The following MCRS1 variants were observed in gnomAD, a reference collection of about 807,000 sequenced individuals.
MCRS1 encodes microspherule protein 1, also known as 58 kDa microspherule protein.
MCRS1 carries 22 observed loss-of-function variants against 62.9 expected under a neutral mutation model. That is an observed-to-expected ratio of 0.35 (90% CI 0.25 to 0.50). The LOEUF (loss-of-function observed/expected upper bound fraction) is 0.50. Among genes scored for constraint, MCRS1 ranks in the 20% least tolerant of loss-of-function variants. The probability of loss-of-function intolerance (pLI) is 0.98; values close to 1 mark genes in which losing one functional copy is unlikely to be tolerated. For synonymous variants in MCRS1, 244 were observed against 233.5 expected, an observed-to-expected ratio of 1.04 and a Z score of -0.41; for missense variants, 456 against 601.1, an observed-to-expected ratio of 0.76 and a Z score of 2.52.
At chr12:49,564,337 C>T in intron 6 of MCRS1, 144 bp downstream of exon 6, 2 of 640,216 alleles carry the variant, frequency 3.1e-6, no homozygotes, top group Non-Finnish European at 5.4e-6. Flanking sequence ...TGAAGCCTCT[C>T]AGGCCTCAGT....
chr12:49,566,273 G>T, intron 2 of MCRS1, 58 bp from the exon 3 acceptor site: 1 of 1,583,446 alleles, frequency 6.3e-7, no homozygotes. Context: ...CTCTGCAAAT[G>T]GGACCCCTCC....
chr12:49,567,736 T>C (rs1939136290), intron 1 of MCRS1: 1 of 152,180 alleles, frequency 6.6e-6, no homozygotes, highest in Admixed American at 6.5e-5. Flanking sequence ...GTAGGAGCAT[T>C]GATGAAGTCA....
intron 8 of MCRS1, among the ~76,000 whole-genome samples, chr12:49,560,637 C>T (rs1313337448): frequency 1.3e-5 from 2 of 152,212 alleles, no homozygotes; most frequent in African/African-American, 4.8e-5. Context: ...GCTTTGATTA[C>T]ACAGCCTTGA....
At chr12:49,563,397 G>T in intron 7 of MCRS1, 41 bp downstream of exon 7, 1 of 1,568,928 alleles carries the variant, frequency 6.4e-7, no homozygotes, top group Non-Finnish European at 8.7e-7. Flanking sequence ...TCCAGCTCTC[G>T]CTGTGCCCTG....
At chr12:49,563,685 C>T (rs1243794686) in intron 6 of MCRS1, 139 bp from the exon 7 acceptor site, 4 of 635,548 alleles carry the variant, frequency 6.3e-6, no homozygotes, top group Non-Finnish European at 1.1e-5. Flanking sequence ...GGGCCTAAGG[C>T]TTAGCAGATA....
chr12:49,566,717 A>AC lies in MCRS1; in HGVS notation c.10+4dup. 1 of 1,613,364 alleles carries AC rather than the reference A, an allele frequency of 6.2e-7. No individual in the cohort carries two copies. Among genetic ancestry groups the AC allele is most frequent in the Non-Finnish European group, 8.5e-7 (1 of 1,179,664 alleles). ...ATTTGGGGAGCTGTCCCGGCCTCAT[A>AC]CTACCTTTGTCCATCCTCTTACAGT... On this transcript the variant is annotated splice_donor_region_variant and intron_variant, in intron 2 of 14. Coordinates refer to ENST00000343810, the MANE Select transcript of MCRS1 (RefSeq NM_006337.5).
At chr12:49,566,404 T>C (rs1031138975) in intron 2 of MCRS1, 189 bp from the exon 3 acceptor site, 2 of 1,576,738 alleles carry the variant, frequency 1.3e-6, no homozygotes, top group African/African-American at 1.3e-5. Context: ...GCCCAGACCT[T>C]CCACGCTGGG....
At chr12:49,567,089 G>A (rs1939102935) in intron 1 of MCRS1, among the ~76,000 whole-genome samples, 1 of 152,076 alleles carries the variant, frequency 6.6e-6, no homozygotes, top group Non-Finnish European at 1.5e-5. Flanking sequence ...TATTTTAGAG[G>A]GTTCATAGAC....
At position 49,566,636 on chromosome 12, in the gene MCRS1, C is replaced by T. The variant is rs542918114; in HGVS notation, c.10+86G>A. ...GGAGGTGGCAAGGCCTAGCCAGGAC[C>T]GAAAGACACACGTGCCAGGCACAGA... On this transcript the variant is annotated intron_variant, in intron 2 of 14. Transcript: ENST00000343810. 42 of 1,593,750 alleles carry T rather than the reference C, an allele frequency of 2.6e-5. 1 individual carries two copies. The highest frequency in any genetic ancestry group is 1.7e-4 in the Middle Eastern group (1 of 6,044).
chr12:49,564,493 G>A lies in MCRS1; in HGVS notation c.545C>T (p.Pro182Leu). 6.2e-7 allele frequency: 1 copy of A among 1,612,770 alleles called. No individual in the cohort carries two copies. The highest frequency in any genetic ancestry group is 1.1e-5 in the South Asian group (1 of 90,804). ...QERWYALLYD[P>L]VISKLACQAM... ...AGCTCCCACTCACTTGGAGATGACAGGATCGTAGAGCAGGGCGTACCAACG... is the reference window on the plus strand; with the variant it reads ...AGCTCCCACTCACTTGGAGATGACAAGATCGTAGAGCAGGGCGTACCAACG... The change falls in exon 6 of 15, where the codon CCT becomes CTT. Residue 182 changes from proline to leucine, a missense_variant. This residue lies in a region of MCRS1 where 393 missense variants were observed against 523.5 expected (regional missense o/e 0.75). Transcript: ENST00000343810.
rs781330287 is a variant in MCRS1, at chr12:49,563,118, T to A, written c.688A>T (p.Thr230Ser). The change falls in exon 8 of 15, where the codon ACC becomes TCC. Residue 230 changes from threonine (T) to serine (S), a missense_variant. Around this residue, in one of 3 missense-constraint regions of MCRS1, gnomAD observed 393 missense variants for 523.5 expected, o/e 0.75. Transcript: ENST00000343810. ...VGSTSQPTLE[T>S]FQDLLHRHPD... Reference sequence around the variant, plus strand: ...TGTCTGTGCAGCAGGTCCTGGAAGGTCTCCAAGGTGGGCTGGCTGGTCTAG... The same window carrying A: ...TGTCTGTGCAGCAGGTCCTGGAAGGACTCCAAGGTGGGCTGGCTGGTCTAG... The A allele has an allele frequency of 5.8e-6, 9 of 1,563,338 alleles. No individual in the cohort carries two copies. The South Asian group carries it at 8.2e-5, about 14-fold the overall frequency.
At chr12:49,562,101 G>A (rs145518190) in intron 8 of MCRS1, among the ~76,000 whole-genome samples, 69 of 152,300 alleles carry the variant, frequency 4.5e-4, no homozygotes, top group Admixed American at 1.1e-3. Flanking sequence ...CCTTAGGAAC[G>A]GAAGATGGGG....
chr12:49,564,924 T>C, intron 4 of MCRS1, 29 bp from the exon 5 acceptor site: 1 of 1,532,262 alleles, frequency 6.5e-7, no homozygotes, highest in Non-Finnish European at 8.8e-7. Flanking sequence ...CAAACCAAGC[T>C]CAAAGCCAGC....
intron 8 of MCRS1, among the ~76,000 whole-genome samples, chr12:49,560,783 A>G (rs1289657751): frequency 6.6e-6 from 1 of 151,826 alleles, no homozygotes; most frequent in East Asian, 1.9e-4. Flanking sequence ...CGAAATCTCA[A>G]CCTCTCCTTC....
At position 49,558,611 on chromosome 12, in the gene MCRS1, C is replaced by A; in HGVS notation, c.*32G>T. 1 of 1,602,296 alleles carries A rather than the reference C, an allele frequency of 6.2e-7. No individual in the cohort carries two copies. On this transcript the variant is annotated 3_prime_UTR_variant, in exon 15 of 15. Transcript: ENST00000343810. ...GGCTGGAGTGGCAGGGGAAACAGGCCGGAGAGGGCCCACGAGTCCTGCCAC... is the reference window on the plus strand; with the variant it reads ...GGCTGGAGTGGCAGGGGAAACAGGCAGGAGAGGGCCCACGAGTCCTGCCAC...
chr12:49,560,895 G>A (rs941933378), intron 8 of MCRS1, among the ~76,000 whole-genome samples: 20 of 152,240 alleles, frequency 1.3e-4, no homozygotes, highest in African/African-American at 4.8e-4. Flanking sequence ...GGTGGGCGCC[G>A]CCCACCTTAA....
intron 4 of MCRS1, chr12:49,565,303 G>A (rs979844798): frequency 6.5e-5 from 64 of 985,272 alleles, no homozygotes; most frequent in Non-Finnish European, 7.4e-5. Context: ...CCTCCCACAC[G>A]GAATGTGATA....
chr12:49,567,943 G>A (rs1026595986), intron 1 of MCRS1, 105 bp downstream of exon 1: 2 of 152,236 alleles, frequency 1.3e-5, no homozygotes, highest in Admixed American at 1.3e-4. Flanking sequence ...CCACTGGGGC[G>A]GGGCCCCAAA....
rs902221260 is a variant in MCRS1, at chr12:49,558,332, G to C, written c.*311C>G. On this transcript the variant is annotated 3_prime_UTR_variant, in exon 15 of 15. Coordinates refer to ENST00000343810, the MANE Select transcript of MCRS1 (RefSeq NM_006337.5). ...AACCTGGTGCTTTTTATTTACAAAAGAAAAACAATAAAAGAAGAGTCTGAG... is the reference window on the plus strand; with the variant it reads ...AACCTGGTGCTTTTTATTTACAAAACAAAAACAATAAAAGAAGAGTCTGAG... The C allele has an allele frequency of 1.5e-5, 6 of 404,858 alleles. No homozygotes were observed. In the East Asian group the frequency reaches 1.8e-4, roughly 12 times the overall value. 25.1% of individuals were successfully genotyped at this position (404,858 alleles called of 1,614,324 possible).
Sources: gnomAD v4.1 joint callset for allele counts (sites outside exome capture counted in the v4.1 genomes callset) on GRCh38, gnomAD v4.1.1 for gene constraint, gnomAD v4.1.1 regional missense constraint, MANE v1.5 for transcripts, NCBI Gene and HGNC (gene_info 2026-07-23, HGNC 2026-07-21) for gene names.